Variants in OTOGL observed in about 807,000 individuals in gnomAD.
The protein encoded by OTOGL is otogelin like, also known as otogelin-like protein.
OTOGL carries 285 observed loss-of-function variants against 318.5 expected under a neutral mutation model. That is an observed-to-expected ratio of 0.89 (90% CI 0.81 to 0.99). OTOGL has a LOEUF of 0.99. Among genes scored for constraint, OTOGL ranks in the 50% least tolerant of loss-of-function variants. OTOGL has a pLI of 0.00. For synonymous variants in OTOGL, 987 were observed against 936.5 expected, an observed-to-expected ratio of 1.05 and a Z score of -0.99; for missense variants, 2,899 against 2,845.6, an observed-to-expected ratio of 1.02 and a Z score of -0.43.
intron 27 of OTOGL, among the ~76,000 whole-genome samples, chr12:80,302,331 C>G (rs73152114): frequency 0.024 from 3,691 of 152,292 alleles, 60 homozygotes; most frequent in Non-Finnish European, 0.036. Context: ...AGGGATATCA[C>G]TTAATGTCTT....
chr12:80,231,196 A>T (rs1230778634), intron 8 of OTOGL, among the ~76,000 whole-genome samples: 1 of 152,160 alleles, frequency 6.6e-6, no homozygotes, highest in East Asian at 1.9e-4. Context: ...GTTTTTATAA[A>T]CTTAGAAACT....
chr12:80,275,672 G>A (rs971758210), intron 24 of OTOGL, among the ~76,000 whole-genome samples: 2 of 151,796 alleles, frequency 1.3e-5, no homozygotes, highest in African/African-American at 2.4e-5. Context: ...GAAAGGGGGA[G>A]TCAATCAATG....
chr12:80,106,669 G>T (rs1869473889), intron 1 of OTOGL, among the ~76,000 whole-genome samples: 1 of 152,014 alleles, frequency 6.6e-6, no homozygotes, highest in Non-Finnish European at 1.5e-5. Context: ...TGCCTTACTA[G>T]TACTCGTAAT....
intron 6 of OTOGL, among the ~76,000 whole-genome samples, chr12:80,220,481 GT>G (rs1878205506): frequency 6.6e-6 from 1 of 151,932 alleles, no homozygotes; most frequent in Non-Finnish European, 1.5e-5. Context: ...TTAAAACCAG[GT>G]TCTCATTCAT....
In OTOGL at chr12:80,320,428, C is replaced by G. The variant is rs1426614781; in HGVS notation, c.3809C>G (p.Ala1270Gly). The change falls in exon 34 of 59, where the codon GCA becomes GGA. Residue 1270 changes from alanine (A) to glycine (G), a missense_variant. Ala to Gly is a moderately conservative substitution (Grantham distance 60). Coordinates refer to ENST00000547103, the MANE Select transcript of OTOGL (RefSeq NM_001378609.3). ...GLFKEKVSSLALVSLESAERP... is the reference protein window; with the variant it reads ...GLFKEKVSSLGLVSLESAERP... ...ACTGCTCTATATTTTACAGCATTAG[C>G]ACTTGTTTCCTTGGAATCTGCTGAA... The G allele has an allele frequency of 1.2e-6, 2 of 1,611,162 alleles. No individual in the cohort carries two copies. Among genetic ancestry groups the G allele is most frequent in the African/African-American group, 2.7e-5 (2 of 74,832 alleles).
At chr12:80,109,261 A>T (rs1869684469) in intron 1 of OTOGL, among the ~76,000 whole-genome samples, 1 of 152,126 alleles carries the variant, frequency 6.6e-6, no homozygotes, top group African/African-American at 2.4e-5. Flanking sequence ...TCAGAGCTCA[A>T]AATGTATCAC....
At chr12:80,102,842 C>T (rs1869221385) in intron 1 of OTOGL, 1 of 698,010 alleles carries the variant, frequency 1.4e-6, no homozygotes, top group African/African-American at 1.8e-5. Context: ...AGTCATAAGG[C>T]TCTTCTTTTT....
chr12:80,296,849 C>T lies in OTOGL; in HGVS notation c.2951C>T (p.Ser984Phe). ...CAGAGTGCAGATGATTCAGATATAT[C>T]TGTCATTGCCCAGAACAAGAAATGC... The part of the protein sequence containing the change: ...LIKSADDSDI[S>F]VIAQNKKCFD... Residue 984 changes from serine to phenylalanine, a missense_variant, in exon 27 of 59, where the codon TCT becomes TTT. Transcript: ENST00000547103. The T allele has an allele frequency of 1.3e-6, 2 of 1,513,752 alleles. No individual in the cohort carries two copies. The highest frequency in any genetic ancestry group is 1.8e-6 in the Non-Finnish European group (2 of 1,129,204). The allele number at this position is 1,513,752 out of a possible 1,614,324, so 93.8% of individuals were successfully genotyped here.
chr12:80,339,363 T>C (rs941478448), intron 43 of OTOGL, 99 bp downstream of exon 43: 25 of 1,050,544 alleles, frequency 2.4e-5, no homozygotes, highest in Non-Finnish European at 3.4e-5. Context: ...TTGCCCCATT[T>C]TTCAGATTTG....
At chr12:80,169,235 G>C (rs1350291662) in intron 1 of OTOGL, among the ~76,000 whole-genome samples, 2 of 151,932 alleles carry the variant, frequency 1.3e-5, no homozygotes, top group Non-Finnish European at 2.9e-5. Flanking sequence ...TTATCTTCTT[G>C]ATATTTTCAG....
intron 19 of OTOGL, 70 bp downstream of exon 19, chr12:80,262,163 T>C (rs1233615520): frequency 3.0e-5 from 42 of 1,381,834 alleles, no homozygotes; most frequent in Non-Finnish European, 4.1e-5. Flanking sequence ...ACTATAATTT[T>C]ATAAAATTAG....
chr12:80,149,057 C>G (rs916375727), intron 1 of OTOGL, among the ~76,000 whole-genome samples: 20 of 152,260 alleles, frequency 1.3e-4, no homozygotes, highest in African/African-American at 3.6e-4. Context: ...CTCAGCTCGT[C>G]AAAGTCGTTC....
intron 29 of OTOGL, among the ~76,000 whole-genome samples, chr12:80,307,897 C>T (rs1161078030): frequency 1.6e-5 from 2 of 127,714 alleles, no homozygotes; most frequent in African/African-American, 3.5e-5. Flanking sequence ...CCCTCCCGGA[C>T]GGGGCGGCTG....
In OTOGL at chr12:80,375,607, G is replaced by A. The variant is rs148744413; in HGVS notation, c.6782-1516G>A. Among the ~76,000 whole-genome samples the A allele has an allele frequency of 2.2e-3, 329 of 152,278 alleles. 1 individual carries two copies. Among genetic ancestry groups the A allele is most frequent in the African/African-American group, 7.6e-3 (316 of 41,572 alleles). On this transcript the variant is annotated intron_variant, in intron 57 of 58. Coordinates refer to ENST00000547103, the MANE Select transcript of OTOGL (RefSeq NM_001378609.3). Reference sequence around the variant, plus strand: ...GGTGATGAGGCGTCATTTGAGTAGAGACTGAGTGTCCTTGGGAAGCCACCC... The same window carrying A: ...GGTGATGAGGCGTCATTTGAGTAGAAACTGAGTGTCCTTGGGAAGCCACCC...
At chr12:80,289,286 A>G (rs1277799316) in intron 26 of OTOGL, among the ~76,000 whole-genome samples, 1 of 152,106 alleles carries the variant, frequency 6.6e-6, no homozygotes, top group Non-Finnish European at 1.5e-5. Flanking sequence ...CCAGAGGGGC[A>G]CGCATCTGAT....
At chr12:80,106,607 A>G (rs1266550540) in intron 1 of OTOGL, among the ~76,000 whole-genome samples, 3 of 152,204 alleles carry the variant, frequency 2.0e-5, no homozygotes, top group Non-Finnish European at 2.9e-5. Context: ...CTCATGAAAC[A>G]TACGCACACA....
At chr12:80,178,242 G>C (rs1874673209) in intron 1 of OTOGL, among the ~76,000 whole-genome samples, 1 of 151,472 alleles carries the variant, frequency 6.6e-6, no homozygotes, top group Non-Finnish European at 1.5e-5. Context: ...TGTATTTTTA[G>C]TAGAGATGGG....
chr12:80,313,398 CAT>C (rs997878159), intron 30 of OTOGL, 76 bp from the exon 31 acceptor site: 32 of 1,379,150 alleles, frequency 2.3e-5, no homozygotes, highest in Admixed American at 8.1e-5. Flanking sequence ...TTTGAAAACA[CAT>C]AGTTTTTTAG....
intron 26 of OTOGL, among the ~76,000 whole-genome samples, chr12:80,291,775 T>TA (rs112236541): frequency 4.3e-4 from 65 of 152,256 alleles, no homozygotes; most frequent in African/African-American, 1.5e-3. Context: ...CAACAGAAAA[T>TA]AGATTCTTAT....
Sources: gnomAD v4.1 joint callset for allele counts (sites outside exome capture counted in the v4.1 genomes callset) on GRCh38, gnomAD v4.1.1 for gene constraint, MANE v1.5 for transcripts, NCBI Gene and HGNC (gene_info 2026-07-23, HGNC 2026-07-21) for gene names.